PDE1C: variants seen among roughly 807,000 people sequenced by gnomAD.
The protein encoded by PDE1C is dual specificity calcium/calmodulin-dependent 3',5'-cyclic nucleotide phosphodiesterase 1C.
A neutral mutation model predicts 93.1 loss-of-function variants in PDE1C; 62 were observed. The observed-to-expected ratio is 0.67, with a 90% CI of 0.54 to 0.82. The LOEUF is 0.82. Among genes scored for constraint, PDE1C ranks in the 40% least tolerant of loss-of-function variants. The probability of loss-of-function intolerance (pLI) is 0.00; values close to 1 mark genes in which losing one functional copy is unlikely to be tolerated. For synonymous variants in PDE1C, 325 were observed against 310.1 expected, an observed-to-expected ratio of 1.05 and a Z score of -0.50; for missense variants, 742 against 884.6, an observed-to-expected ratio of 0.84 and a Z score of 2.04.
intron 2 of PDE1C, among the ~76,000 whole-genome samples, chr7:32,049,019 G>C (rs935629660): frequency 3.3e-5 from 5 of 152,158 alleles, no homozygotes; most frequent in Non-Finnish European, 7.4e-5. Flanking sequence ...TCCTCTCACT[G>C]TCTAAGTATC....
intron 3 of PDE1C, among the ~76,000 whole-genome samples, chr7:32,151,197 C>A (rs1374893237): frequency 4.6e-5 from 7 of 152,096 alleles, no homozygotes; most frequent in Admixed American, 2.6e-4. Flanking sequence ...AGTCCCCAAA[C>A]CAGCTATTTT....
intron 1 of PDE1C, among the ~76,000 whole-genome samples, chr7:32,219,082 A>G (rs1406657657): frequency 6.6e-6 from 1 of 152,232 alleles, no homozygotes; most frequent in African/African-American, 2.4e-5. Context: ...CATCAGGCCA[A>G]GCTACCAGGC....
chr7:31,893,452 G>T, intron 2 of PDE1C: 1 of 981,608 alleles, frequency 1.0e-6, no homozygotes, highest in Non-Finnish European at 1.2e-6. Context: ...AATAGAAAAA[G>T]AAAAGAAGAA....
intron 11 of PDE1C, among the ~76,000 whole-genome samples, chr7:31,834,614 T>A (rs1015107756): frequency 6.6e-6 from 1 of 152,062 alleles, no homozygotes; most frequent in Non-Finnish European, 1.5e-5. Context: ...CCCCTTTGTT[T>A]GCCCAATTTC....
intron 2 of PDE1C, among the ~76,000 whole-genome samples, chr7:31,904,911 T>C (rs1371890832): frequency 1.3e-5 from 2 of 152,120 alleles, no homozygotes; most frequent in Non-Finnish European, 2.9e-5. Flanking sequence ...ATTCAACTAA[T>C]AAACATGGTA....
At chr7:31,824,623 G>T (rs758074471) in intron 13 of PDE1C, among the ~76,000 whole-genome samples, 5 of 152,112 alleles carry the variant, frequency 3.3e-5, no homozygotes, top group Non-Finnish European at 5.9e-5. Context: ...GGGTGGCAGG[G>T]GGGCAGCACC....
At chr7:31,639,028 C>T in the PDE1C span, among the ~76,000 whole-genome samples, 9 of 152,216 alleles carry the variant, frequency 5.9e-5, no homozygotes, top group African/African-American at 1.2e-4. Context: ...CTGCCTGCCT[C>T]GGCCTCCCAA....
intron 3 of PDE1C, among the ~76,000 whole-genome samples, chr7:32,092,854 G>T (rs1020740429): frequency 6.6e-6 from 1 of 151,180 alleles, no homozygotes; most frequent in Non-Finnish European, 1.5e-5. Context: ...TACACAACTT[G>T]TAGTTGTGAA....
At chr7:31,711,690 C>T in the PDE1C span, among the ~76,000 whole-genome samples, 2 of 152,178 alleles carry the variant, frequency 1.3e-5, no homozygotes, top group African/African-American at 2.4e-5. Flanking sequence ...ATTCTCAATC[C>T]TACGTTTTAA....
At chr7:32,295,934 T>C (rs1217281597) in intron 1 of PDE1C, among the ~76,000 whole-genome samples, 1 of 148,250 alleles carries the variant, frequency 6.7e-6, no homozygotes, top group Non-Finnish European at 1.5e-5. Context: ...TATGATATAC[T>C]CAAAGATTTA....
intron 2 of PDE1C, among the ~76,000 whole-genome samples, chr7:31,968,994 A>C (rs1273144501): frequency 2.6e-5 from 4 of 152,230 alleles, no homozygotes; most frequent in Non-Finnish European, 5.9e-5. Flanking sequence ...GATGGATTGA[A>C]GACTTAAATG....
chr7:32,224,002 G>T (rs554534964), intron 1 of PDE1C, among the ~76,000 whole-genome samples: 1 of 152,052 alleles, frequency 6.6e-6, no homozygotes, highest in Non-Finnish European at 1.5e-5. Flanking sequence ...CTCCACCTGC[G>T]GCCTTCTCAG....
chr7:31,903,366 A>G (rs1410750745), intron 2 of PDE1C, among the ~76,000 whole-genome samples: 3 of 152,062 alleles, frequency 2.0e-5, no homozygotes, highest in Admixed American at 2.0e-4. Context: ...GCTAGAAATT[A>G]AAGTCAAGAG....
At chr7:32,196,416 T>C (rs1322338716) in intron 2 of PDE1C, among the ~76,000 whole-genome samples, 3 of 152,186 alleles carry the variant, frequency 2.0e-5, no homozygotes, top group Non-Finnish European at 4.4e-5. Context: ...TTCCAGGTTT[T>C]TATCTTTTTC....
At chr7:32,208,977 A>C (rs188067914) in intron 2 of PDE1C, among the ~76,000 whole-genome samples, 1 of 152,240 alleles carries the variant, frequency 6.6e-6, no homozygotes, top group African/African-American at 2.4e-5. Context: ...GAGTTAGTCC[A>C]TAAGTCCACT....
chr7:31,643,835 C>T, the PDE1C span: 11 of 1,613,958 alleles, frequency 6.8e-6, no homozygotes, highest in Admixed American at 5.0e-5. Context: ...AGGCAAAGCC[C>T]TGGCCCTGAA....
At chr7:31,649,443 A>G in the PDE1C span, among the ~76,000 whole-genome samples, 1 of 152,200 alleles carries the variant, frequency 6.6e-6, no homozygotes, top group Non-Finnish European at 1.5e-5. Context: ...CAGAAGCCCC[A>G]CAGCATGCTC....
chr7:31,954,465 C>A (rs1446263471), intron 2 of PDE1C, among the ~76,000 whole-genome samples: 1 of 152,182 alleles, frequency 6.6e-6, no homozygotes, highest in Non-Finnish European at 1.5e-5. Context: ...CCCTAGCTAA[C>A]CCAATTTGCT....
chr7:32,214,673 G>A (rs1806293081), intron 1 of PDE1C, among the ~76,000 whole-genome samples: 2 of 152,054 alleles, frequency 1.3e-5, no homozygotes, highest in Admixed American at 6.5e-5. Flanking sequence ...ATCCTGAATC[G>A]AGCGAGGTAT....
Sources: allele counts gnomAD v4.1 joint callset (sites outside exome capture counted in the v4.1 genomes callset), GRCh38; gene constraint gnomAD v4.1.1; transcripts MANE v1.5; gene names NCBI Gene and HGNC (gene_info 2026-07-23, HGNC 2026-07-21).